Variants in ARHGAP29 observed in about 807,000 individuals in gnomAD.
ARHGAP29 encodes the protein Rho GTPase activating protein 29.
ARHGAP29 carries 43 observed loss-of-function variants against 122.6 expected under a neutral mutation model. The ratio of observed to expected loss-of-function variants is 0.35; its 90% CI spans 0.27 to 0.45. The LOEUF (loss-of-function observed/expected upper bound fraction) is 0.45. ARHGAP29 is among the 20% of genes least tolerant of loss of function. ARHGAP29 has a pLI of 1.00. For synonymous variants in ARHGAP29, 506 were observed against 497.1 expected, an observed-to-expected ratio of 1.02 and a Z score of -0.24; for missense variants, 1,303 against 1,477.2, an observed-to-expected ratio of 0.88 and a Z score of 1.93.
intron 22 of ARHGAP29, chr1:94,177,261 C>G: frequency 5.8e-6 from 1 of 172,602 alleles, no homozygotes; most frequent in South Asian, 1.5e-4. Flanking sequence ...GCTCAATGCA[C>G]TGAACTACGG....
intron 1 of ARHGAP29, among the ~76,000 whole-genome samples, chr1:94,254,638 A>G (rs1654257311): frequency 1.3e-5 from 2 of 152,224 alleles, no homozygotes; most frequent in African/African-American, 4.8e-5. Context: ...AAAAGGTAAA[A>G]CAAGCCTACT....
rs1172309210 is a variant in ARHGAP29, at chr1:94,186,569, T to C, written c.1710A>G (p.Thr570=). 3 of 1,613,592 alleles carry C rather than the reference T, an allele frequency of 1.9e-6. No homozygotes were observed. Among genetic ancestry groups the C allele is most frequent in the African/African-American group, 2.7e-5 (2 of 74,898 alleles). The change falls in exon 16 of 23, where the codon ACA becomes ACG. Residue 570 remains threonine, a synonymous_variant. Coordinates refer to ENST00000260526, the MANE Select transcript of ARHGAP29 (RefSeq NM_004815.4). ...PGDFHRKLPR[T]PSSGTMSSAD... ...CAGAGGACATAGTTCCACTGGATGG[T>C]GTTCGTGGAAGTTTTCGATGAAAGT...
chr1:94,236,630 C>T (rs1014329498), intron 1 of ARHGAP29, among the ~76,000 whole-genome samples: 28 of 152,106 alleles, frequency 1.8e-4, no homozygotes, highest in African/African-American at 6.8e-4. Context: ...GCTCGTCAGT[C>T]ACGAGGGTTC....
intron 1 of ARHGAP29, chr1:94,247,816 C>CG (rs1439208904): frequency 1.1e-5 from 3 of 262,860 alleles, no homozygotes; most frequent in African/African-American, 4.6e-5. Context: ...CCCGCGCTCC[C>CG]GGGGGGCGGG....
intron 7 of ARHGAP29, among the ~76,000 whole-genome samples, chr1:94,204,350 ACT>A (rs1315068134): frequency 3.3e-5 from 5 of 151,814 alleles, no homozygotes; most frequent in African/African-American, 1.2e-4. Context: ...CAACTGGGAA[ACT>A]CTTTCAGAAT....
At chr1:94,213,785 C>T (rs745925964) in intron 3 of ARHGAP29, among the ~76,000 whole-genome samples, 5 of 152,144 alleles carry the variant, frequency 3.3e-5, no homozygotes, top group Non-Finnish European at 7.4e-5. Flanking sequence ...GGGATAATTA[C>T]GTACTTTGAG....
At chr1:94,213,423 C>G (rs781656163) in intron 3 of ARHGAP29, among the ~76,000 whole-genome samples, 2 of 152,204 alleles carry the variant, frequency 1.3e-5, no homozygotes, top group Non-Finnish European at 2.9e-5. Flanking sequence ...ACCTCGTGAT[C>G]TGCCCGCCTC....
upstream of ARHGAP29, among the ~76,000 whole-genome samples, chr1:94,275,734 A>C (rs1233640769): frequency 6.6e-6 from 1 of 152,166 alleles, no homozygotes; most frequent in Non-Finnish European, 1.5e-5. Flanking sequence ...TTTAAAAAAA[A>C]GGAACATACG....
In ARHGAP29 at chr1:94,174,640, A is replaced by G. The variant is rs1003285011; in HGVS notation, c.3015T>C (p.Asn1005=). Reference sequence around the variant, plus strand: ...TGGTCCTTGGAGTATGCCTCTCCACATTGTTTGTTGACCTATCAGATTTCA... The same window carrying G: ...TGGTCCTTGGAGTATGCCTCTCCACGTTGTTTGTTGACCTATCAGATTTCA... The part of the protein sequence containing the change: ...LSLKSDRSTN[N]VERHTPRTKI... Residue 1005 remains asparagine (N), a synonymous_variant, in exon 23 of 23, where the codon AAT becomes AAC. Coordinates refer to ENST00000260526, the MANE Select transcript of ARHGAP29 (RefSeq NM_004815.4). The G allele has an allele frequency of 6.2e-7, 1 of 1,614,044 alleles. No individual in the cohort carries two copies.
chr1:94,185,312 A>ATTAT, intron 17 of ARHGAP29, 30 bp downstream of exon 17: 2 of 1,536,122 alleles, frequency 1.3e-6, no homozygotes, highest in Non-Finnish European at 1.7e-6. Context: ...AAAGCATAAA[A>ATTAT]GGGTCAACAC....
chr1:94,223,026 C>G (rs1652403418), intron 2 of ARHGAP29, among the ~76,000 whole-genome samples: 1 of 151,990 alleles, frequency 6.6e-6, no homozygotes, highest in African/African-American at 2.4e-5. Flanking sequence ...TCACTGCAAG[C>G]TCCGCCTCCT....
intron 16 of ARHGAP29, among the ~76,000 whole-genome samples, chr1:94,185,740 A>C (rs923439102): frequency 1.3e-5 from 2 of 152,128 alleles, no homozygotes; most frequent in Admixed American, 6.5e-5. Flanking sequence ...ACATGACATA[A>C]CGTTTTCAGA....
chr1:94,227,323 T>C (rs1384685616), intron 2 of ARHGAP29, among the ~76,000 whole-genome samples: 1 of 151,622 alleles, frequency 6.6e-6, no homozygotes, highest in Admixed American at 6.6e-5. Context: ...AAGCATCTTT[T>C]AAAAATAAGA....
chr1:94,214,497 T>C (rs537447133), intron 3 of ARHGAP29, among the ~76,000 whole-genome samples: 13 of 152,324 alleles, frequency 8.5e-5, no homozygotes, highest in African/African-American at 3.1e-4. Flanking sequence ...CCTGCTATTT[T>C]CCATACAATC....
chr1:94,287,668 C>T, the ARHGAP29 span, among the ~76,000 whole-genome samples: 2 of 152,174 alleles, frequency 1.3e-5, no homozygotes, highest in Admixed American at 1.3e-4. Flanking sequence ...CACCCCACAA[C>T]AGGCCCTGGT....
At chr1:94,196,507 CG>C (rs1650491158) in intron 12 of ARHGAP29, among the ~76,000 whole-genome samples, 1 of 151,614 alleles carries the variant, frequency 6.6e-6, no homozygotes. Context: ...GTGATCCGCC[CG>C]CCTCGGCCTC....
the ARHGAP29 span, among the ~76,000 whole-genome samples, chr1:94,280,672 T>C: frequency 6.6e-6 from 1 of 152,114 alleles, no homozygotes; most frequent in African/African-American, 2.4e-5. Context: ...GCTGTATAAA[T>C]GAATACATGG....
At chr1:94,223,157 G>A (rs1652418373) in intron 2 of ARHGAP29, among the ~76,000 whole-genome samples, 1 of 152,146 alleles carries the variant, frequency 6.6e-6, no homozygotes. Context: ...TGTTAGCCAG[G>A]ATGGTCTTGA....
the ARHGAP29 span, among the ~76,000 whole-genome samples, chr1:94,283,877 C>T: frequency 7.9e-5 from 12 of 152,244 alleles, no homozygotes; most frequent in East Asian, 1.5e-3. Flanking sequence ...ACATCTTTAT[C>T]GGTACCCAGA....
Sources: gnomAD v4.1 joint callset for allele counts (sites outside exome capture counted in the v4.1 genomes callset) on GRCh38, gnomAD v4.1.1 for gene constraint, MANE v1.5 for transcripts, NCBI Gene and HGNC (gene_info 2026-07-23, HGNC 2026-07-21) for gene names.